KIAA2012: variants seen among roughly 807,000 people sequenced by gnomAD.
KIAA2012 encodes the protein uncharacterized protein KIAA2012.
In KIAA2012, 125 loss-of-function variants were observed where a neutral mutation model predicts 150.6. The ratio of observed to expected loss-of-function variants is 0.83; its 90% CI spans 0.72 to 0.96. The LOEUF is 0.96. KIAA2012 is among the 40% of genes least tolerant of loss of function. The pLI, the probability that KIAA2012 is intolerant of heterozygous loss-of-function variation, is 0.00. For missense variants in KIAA2012, 1,219 were observed against 1,354.9 expected, an observed-to-expected ratio of 0.90 and a Z score of 1.57; for synonymous variants, 462 against 504.7, an observed-to-expected ratio of 0.92 and a Z score of 1.13.
chr2:202,128,541 G>T (rs2105938408), intron 12 of KIAA2012, among the ~76,000 whole-genome samples: 1 of 152,058 alleles, frequency 6.6e-6, no homozygotes, highest in Non-Finnish European at 1.5e-5. Flanking sequence ...CAAAGTGCTG[G>T]GATTACAGGC....
chr2:202,170,769 T>A (rs1166881430), intron 15 of KIAA2012, among the ~76,000 whole-genome samples: 2 of 152,196 alleles, frequency 1.3e-5, no homozygotes, highest in East Asian at 3.8e-4. Flanking sequence ...GAACCTAGAC[T>A]GCGTTCACCC....
rs1448181595 is a variant in KIAA2012, at chr2:202,111,437, G to A, written c.1651+1648G>A. On this transcript the variant is annotated intron_variant, in intron 10 of 23. Coordinates refer to ENST00000498697, the MANE Select transcript of KIAA2012 (RefSeq NM_001277372.4). ...AGGCAGGAAAATCACTTGAACCTGGGAGGCAGAGGTTGCAGTGAGCCGAGA... is the reference window on the plus strand; with the variant it reads ...AGGCAGGAAAATCACTTGAACCTGGAAGGCAGAGGTTGCAGTGAGCCGAGA... Among the ~76,000 whole-genome samples, 4 of 148,556 alleles carry A rather than the reference G, an allele frequency of 2.7e-5. No homozygotes were observed. In the East Asian group the frequency reaches 8.0e-4, roughly 30 times the overall value.
intron 22 of KIAA2012, chr2:202,201,515 G>T: frequency 1.9e-6 from 3 of 1,608,114 alleles, no homozygotes; most frequent in Non-Finnish European, 2.6e-6. Context: ...GAGGAAGAAT[G>T]TTGCCAGCAG....
intron 12 of KIAA2012, among the ~76,000 whole-genome samples, chr2:202,132,069 G>A (rs1256952191): frequency 2.0e-5 from 3 of 152,086 alleles, no homozygotes; most frequent in Non-Finnish European, 2.9e-5. Context: ...TCAGCTACTC[G>A]GGAGGCTGAG....
intron 15 of KIAA2012, among the ~76,000 whole-genome samples, chr2:202,173,391 G>T (rs1016933295): frequency 6.6e-6 from 1 of 152,140 alleles, no homozygotes; most frequent in African/African-American, 2.4e-5. Flanking sequence ...CCAACATGGA[G>T]AAACCCCGTC....
At chr2:202,167,182 A>C (rs964577692) in intron 15 of KIAA2012, among the ~76,000 whole-genome samples, 1 of 152,094 alleles carries the variant, frequency 6.6e-6, no homozygotes, top group African/African-American at 2.4e-5. Flanking sequence ...TCAAAAAAAA[A>C]AAAAACTTTC....
At chr2:202,186,153 C>A (rs966963100) in intron 16 of KIAA2012, among the ~76,000 whole-genome samples, 4 of 152,168 alleles carry the variant, frequency 2.6e-5, no homozygotes, top group African/African-American at 7.2e-5. Flanking sequence ...GACAGCAATT[C>A]TACAATGGAT....
At position 202,114,866 on chromosome 2, in the gene KIAA2012, A is replaced by T. The variant is rs183836893; in HGVS notation, c.1762+1420A>T. 278 of 166,710 alleles carry T rather than the reference A, an allele frequency of 1.7e-3. 1 individual carries two copies. The highest frequency in any genetic ancestry group is 3.3e-3 in the Non-Finnish European group (225 of 68,024). 10.3% of individuals were successfully genotyped at this position (166,710 alleles called of 1,614,324 possible). A position where few individuals can be genotyped will look rare whatever the true frequency, so the allele number is the denominator to read the frequency against. On this transcript the variant is annotated intron_variant, in intron 11 of 23. Coordinates refer to ENST00000498697, the MANE Select transcript of KIAA2012 (RefSeq NM_001277372.4). ...ATATTTAATCCTACTTGCCTCTCAA[A>T]CCTAAAGGCATTCACTGCATGCTTA...
intron 12 of KIAA2012, chr2:202,136,584 G>T (rs1691067441): frequency 6.6e-6 from 1 of 152,442 alleles, no homozygotes; most frequent in African/African-American, 2.4e-5. Context: ...AGGCACTCCG[G>T]CAGCCCAGAG....
intron 13 of KIAA2012, among the ~76,000 whole-genome samples, chr2:202,138,721 T>C (rs1315266715): frequency 6.6e-6 from 1 of 152,222 alleles, no homozygotes; most frequent in South Asian, 2.1e-4. Context: ...TTTGGCTCTT[T>C]ACTTGTGTGA....
chr2:202,179,195 A>T (rs976713962), intron 15 of KIAA2012: 2 of 594,046 alleles, frequency 3.4e-6, no homozygotes, highest in Non-Finnish European at 6.3e-6. Context: ...ATCTGTGTCT[A>T]TCTGATTCAA....
rs1689767777 is a variant in KIAA2012 at position 202,093,069 on chromosome 2, T to G, written c.569T>G (p.Leu190Arg). The change falls in exon 4 of 24, where the codon CTT becomes CGT. Residue 190 changes from leucine (L) to arginine (R), a missense_variant. Coordinates refer to ENST00000498697, the MANE Select transcript of KIAA2012 (RefSeq NM_001277372.4). ...KDSVLLQDSQLNVPKKLRPQQ... is the reference protein window; with the variant it reads ...KDSVLLQDSQRNVPKKLRPQQ... ...TCTGTGCTACTCCAGGACAGTCAAC[T>G]TAATGTACCAAAGAAGCTCAGGCCA... 6.4e-7 allele frequency: 1 copy of G among 1,550,598 alleles called. No homozygotes were observed. The highest frequency in any genetic ancestry group is 8.7e-7 in the Non-Finnish European group (1 of 1,147,004).
intron 8 of KIAA2012, among the ~76,000 whole-genome samples, chr2:202,103,864 C>G (rs928236086): frequency 2.0e-5 from 3 of 152,212 alleles, no homozygotes; most frequent in African/African-American, 4.8e-5. Context: ...TTCTGACTTT[C>G]CTTTCATTCC....
chr2:202,187,417 G>A (rs1476813738), intron 17 of KIAA2012, among the ~76,000 whole-genome samples: 1 of 152,062 alleles, frequency 6.6e-6, no homozygotes, highest in Admixed American at 6.6e-5. Context: ...TGATTCTCCT[G>A]CCTCAGCCTC....
chr2:202,122,902 C>T (rs993575770), intron 11 of KIAA2012, among the ~76,000 whole-genome samples: 5 of 152,196 alleles, frequency 3.3e-5, no homozygotes, highest in African/African-American at 1.2e-4. Flanking sequence ...AAAACAACAA[C>T]TAAGGCCTGG....
At position 202,100,336 on chromosome 2, in the gene KIAA2012, GCC is replaced by G; in HGVS notation, c.1043_1044del (p.Ala348GlufsTer12). On this transcript the variant is annotated frameshift_variant, in exon 7 of 24. Transcript: ENST00000498697. LOFTEE classifies it high-confidence loss of function. ...ACAAAGGAACGTGAAACTCCACAAG[GCC>G]AGAAGCAGCCACTTGTTACAGGTGC... ...DKQRNVKLHKARSSHLLQVLP... is the reference protein window; with the variant it reads ...DKQRNVKLHKXRSSHLLQVLP... 1 of 1,550,546 alleles carries G rather than the reference GCC, an allele frequency of 6.4e-7. No individual in the cohort carries two copies.
At chr2:202,174,944 T>C (rs1242988017) in intron 15 of KIAA2012, among the ~76,000 whole-genome samples, 1 of 152,244 alleles carries the variant, frequency 6.6e-6, no homozygotes, top group Admixed American at 6.5e-5. Context: ...ACCCAAAATT[T>C]AAATAATTCT....
At chr2:202,075,733 C>A (rs1427608538) in intron 2 of KIAA2012, among the ~76,000 whole-genome samples, 1 of 152,172 alleles carries the variant, frequency 6.6e-6, no homozygotes, top group Non-Finnish European at 1.5e-5. Flanking sequence ...TGCATCTGGC[C>A]CCTGCTTTAT....
chr2:202,160,769 G>A (rs1177752888), intron 14 of KIAA2012, among the ~76,000 whole-genome samples: 1 of 152,078 alleles, frequency 6.6e-6, no homozygotes, highest in Non-Finnish European at 1.5e-5. Flanking sequence ...GTATCATATG[G>A]TATGTTACAT....
Sources: gnomAD v4.1 joint callset for allele counts (sites outside exome capture counted in the v4.1 genomes callset) on GRCh38, gnomAD v4.1.1 for gene constraint, MANE v1.5 for transcripts, NCBI Gene and HGNC (gene_info 2026-07-23, HGNC 2026-07-21) for gene names.